Variants in CTNNA3 observed in about 807,000 individuals in gnomAD.
CTNNA3 encodes catenin alpha 3.
Under a neutral mutation model 95.7 loss-of-function variants are expected in CTNNA3, and 76 were observed. The ratio of observed to expected loss-of-function variants is 0.79; its 90% CI spans 0.66 to 0.96. The LOEUF is 0.96. Ranked by LOEUF, CTNNA3 falls within the 40% of genes least tolerant of loss-of-function variation. The pLI is 0.00. For synonymous variants in CTNNA3, 431 were observed against 374.4 expected, an observed-to-expected ratio of 1.15 and a Z score of -1.74; for missense variants, 1,191 against 1,089.8, an observed-to-expected ratio of 1.09 and a Z score of -1.31.
At chr10:66,486,066 T>C (rs1416570899) in intron 11 of CTNNA3, among the ~76,000 whole-genome samples, 1 of 152,104 alleles carries the variant, frequency 6.6e-6, no homozygotes, top group Non-Finnish European at 1.5e-5. Context: ...AAAATCAACT[T>C]TGAATGGATT....
At chr10:66,078,226 A>C (rs1197175808) in intron 14 of CTNNA3, among the ~76,000 whole-genome samples, 2 of 151,874 alleles carry the variant, frequency 1.3e-5, no homozygotes, top group African/African-American at 4.8e-5. Flanking sequence ...TATGTAATCT[A>C]TTTTCCACAA....
intron 1 of CTNNA3, among the ~76,000 whole-genome samples, chr10:67,755,802 C>CAAAAAAAAAAAAAAAA (rs201336788): frequency 1.7e-5 from 1 of 58,776 alleles, no homozygotes; most frequent in Non-Finnish European, 3.8e-5. Context: ...GTCTCTGCCT[C>CAAAAAAAAAAAAAAAA]AAAAAAAAAA....
chr10:66,523,011 C>A (rs1841122658), intron 10 of CTNNA3, among the ~76,000 whole-genome samples: 1 of 151,954 alleles, frequency 6.6e-6, no homozygotes, highest in African/African-American at 2.4e-5. Context: ...ATATTTAAAT[C>A]CTCTTTTTTT....
intron 10 of CTNNA3, among the ~76,000 whole-genome samples, chr10:66,617,746 A>C (rs920348954): frequency 3.3e-5 from 5 of 152,092 alleles, no homozygotes; most frequent in Admixed American, 3.3e-4. Flanking sequence ...AAGGGTATTC[A>C]GTTAGGAAAA....
chr10:66,050,798 A>G (rs1051198153), intron 15 of CTNNA3, among the ~76,000 whole-genome samples: 3 of 151,736 alleles, frequency 2.0e-5, no homozygotes, highest in African/African-American at 7.3e-5. Flanking sequence ...TCCTTTATGA[A>G]TTCTTCATTA....
At chr10:66,775,671 T>C (rs933749049) in intron 7 of CTNNA3, 147 bp from the exon 8 acceptor site, 18 of 587,776 alleles carry the variant, frequency 3.1e-5, no homozygotes, top group Non-Finnish European at 4.8e-5. Context: ...CATGAGCATT[T>C]CACTTAAGAC....
chr10:66,858,319 GATTTTTGCATCT>G (rs1843763299), intron 7 of CTNNA3, among the ~76,000 whole-genome samples: 2 of 151,930 alleles, frequency 1.3e-5, no homozygotes, highest in Non-Finnish European at 1.5e-5. Flanking sequence ...TTTTGTTGAA[GATTTTTGCATCT>G]ATGTTCATCA....
chr10:67,604,227 A>T (rs1589477989), intron 3 of CTNNA3, among the ~76,000 whole-genome samples: 1 of 152,306 alleles, frequency 6.6e-6, no homozygotes, highest in East Asian at 1.9e-4. Flanking sequence ...GTAAGGTATG[A>T]CTGTAGCTGA....
chr10:66,886,599 C>G (rs1359944984), intron 7 of CTNNA3, among the ~76,000 whole-genome samples: 1 of 152,150 alleles, frequency 6.6e-6, no homozygotes, highest in African/African-American at 2.4e-5. Context: ...CCTCCAGGAC[C>G]ATCTAATTCA....
chr10:66,725,012 C>T (rs1187401647), intron 9 of CTNNA3, among the ~76,000 whole-genome samples: 1 of 152,062 alleles, frequency 6.6e-6, no homozygotes, highest in Non-Finnish European at 1.5e-5. Context: ...AGTATATGCA[C>T]AAAACCTATG....
chr10:67,495,157 G>A (rs1271216039), intron 5 of CTNNA3, among the ~76,000 whole-genome samples: 3 of 152,042 alleles, frequency 2.0e-5, no homozygotes, highest in Admixed American at 2.0e-4. Context: ...ATGATAAAGT[G>A]CTGTACCCAC....
intron 15 of CTNNA3, among the ~76,000 whole-genome samples, chr10:66,036,852 A>T (rs1303537541): frequency 1.3e-5 from 2 of 148,460 alleles, no homozygotes; most frequent in Admixed American, 6.8e-5. Flanking sequence ...AAATTTATAT[A>T]GTAGTTCCAA....
At chr10:67,535,569 C>T (rs1295026662) in intron 4 of CTNNA3, among the ~76,000 whole-genome samples, 1 of 152,030 alleles carries the variant, frequency 6.6e-6, no homozygotes, top group African/African-American at 2.4e-5. Context: ...GAACCAACAA[C>T]ATGACAAGGC....
In CTNNA3 at chr10:67,708,048, G is replaced by A. The variant is rs150491431; in HGVS notation, c.-2+55386C>T. On this transcript the variant is annotated intron_variant, in intron 1 of 17. Coordinates refer to the CTNNA3 transcript ENST00000684154. Reference sequence around the variant, plus strand: ...CAGTCCGGGTGAATTTAGTGCTAATGTTTTCAGTCTCATTTTAACTATTTC... The same window carrying A: ...CAGTCCGGGTGAATTTAGTGCTAATATTTTCAGTCTCATTTTAACTATTTC... 6.4e-3 allele frequency among the ~76,000 whole-genome samples: 975 copies of A among 152,232 alleles called. 5 individuals carry two copies. The highest frequency in any genetic ancestry group is 9.3e-3 in the Non-Finnish European group (634 of 67,996).
chr10:67,030,928 C>G (rs1407496163), intron 7 of CTNNA3, among the ~76,000 whole-genome samples: 1 of 152,046 alleles, frequency 6.6e-6, no homozygotes, highest in Non-Finnish European at 1.5e-5. Flanking sequence ...TGCTTGAACC[C>G]GAGAGGTGGA....
intron 7 of CTNNA3, among the ~76,000 whole-genome samples, chr10:66,804,718 C>T (rs1841571281): frequency 6.6e-6 from 1 of 151,984 alleles, no homozygotes; most frequent in Non-Finnish European, 1.5e-5. Context: ...AATCCCGTTG[C>T]ATTGTAGTTG....
chr10:66,196,500 G>A (rs143853706), intron 13 of CTNNA3, among the ~76,000 whole-genome samples: 1 of 152,210 alleles, frequency 6.6e-6, no homozygotes, highest in East Asian at 1.9e-4. Flanking sequence ...GTATATCAGA[G>A]GAAGTAAAGG....
chr10:66,807,076 T>C (rs1375753856), intron 7 of CTNNA3, among the ~76,000 whole-genome samples: 1 of 151,940 alleles, frequency 6.6e-6, no homozygotes, highest in Non-Finnish European at 1.5e-5. Context: ...ACTTACAAAG[T>C]ATATTCTGAC....
At chr10:67,461,213 A>G (rs1422360531) in intron 5 of CTNNA3, among the ~76,000 whole-genome samples, 1 of 152,192 alleles carries the variant, frequency 6.6e-6, no homozygotes, top group Non-Finnish European at 1.5e-5. Context: ...ATATCCCAAG[A>G]GGACATTGAG....
Sources: gnomAD v4.1 joint callset for allele counts (sites outside exome capture counted in the v4.1 genomes callset) on GRCh38, gnomAD v4.1.1 for gene constraint, MANE v1.5 for transcripts, NCBI Gene and HGNC (gene_info 2026-07-23, HGNC 2026-07-21) for gene names.